COP1: variants seen among roughly 807,000 people sequenced by gnomAD.
COP1 encodes E3 ubiquitin-protein ligase COP1.
COP1 carries 24 observed loss-of-function variants against 101.3 expected under a neutral mutation model. The ratio of observed to expected loss-of-function variants is 0.24; its 90% CI spans 0.17 to 0.33. The LOEUF (loss-of-function observed/expected upper bound fraction) is 0.33, where lower values mean the gene tolerates loss of function less well. Among genes scored for constraint, COP1 ranks in the 10% least tolerant of loss-of-function variants. COP1 has a pLI of 1.00. For synonymous variants in COP1, 347 were observed against 341.9 expected (o/e 1.01, Z -0.17); for missense variants, 663 against 906.2 (o/e 0.73, Z 3.45).
intron 1 of COP1, among the ~76,000 whole-genome samples, chr1:176,188,750 T>TG (rs1414869432): frequency 6.6e-6 from 1 of 151,990 alleles, no homozygotes; most frequent in East Asian, 1.9e-4. Context: ...ACTGTGTTCT[T>TG]ACTCCTCCAC....
chr1:176,028,218 A>G (rs1418502477), intron 14 of COP1, among the ~76,000 whole-genome samples: 1 of 152,160 alleles, frequency 6.6e-6, no homozygotes, highest in Non-Finnish European at 1.5e-5. Context: ...GAATGACTGA[A>G]TAACAGAATA....
At chr1:176,037,245 A>G (rs10429845) in intron 14 of COP1, among the ~76,000 whole-genome samples, 123,563 of 151,760 alleles carry the variant, frequency 0.81, 51,007 homozygotes, top group East Asian at 0.99. Flanking sequence ...TACTAAAAAT[A>G]CAAAAACAAA....
At chr1:176,023,841 C>T (rs1478030293) in intron 15 of COP1, among the ~76,000 whole-genome samples, 1 of 152,034 alleles carries the variant, frequency 6.6e-6, no homozygotes, top group Admixed American at 6.5e-5. Context: ...TGAATTCTAT[C>T]AAATATTTAA....
At chr1:176,195,713 A>C (rs775353658) in intron 1 of COP1, among the ~76,000 whole-genome samples, 1 of 152,262 alleles carries the variant, frequency 6.6e-6, no homozygotes, top group Non-Finnish European at 1.5e-5. Context: ...CATAAAAAAG[A>C]ATGAAATCAT....
intron 11 of COP1, among the ~76,000 whole-genome samples, chr1:176,047,671 A>C (rs946400272): frequency 2.0e-5 from 3 of 152,340 alleles, no homozygotes; most frequent in Admixed American, 6.5e-5. Context: ...ACCTACATAC[A>C]AAAATACAAA....
intron 14 of COP1, among the ~76,000 whole-genome samples, chr1:176,028,621 T>C (rs1668097792): frequency 7.1e-6 from 1 of 140,502 alleles, no homozygotes; most frequent in South Asian, 2.3e-4. Flanking sequence ...TACTCAGATG[T>C]AACACAGACC....
chr1:175,952,435 A>C (rs1650066475), intron 18 of COP1, among the ~76,000 whole-genome samples: 2 of 152,158 alleles, frequency 1.3e-5, no homozygotes, highest in South Asian at 4.2e-4. Flanking sequence ...AAAAAAAAAA[A>C]AAAAGATGAT....
intron 18 of COP1, among the ~76,000 whole-genome samples, chr1:175,984,551 C>T (rs1437396728): frequency 6.6e-6 from 1 of 152,128 alleles, no homozygotes. Flanking sequence ...CACACAGAGT[C>T]CCTACTGGGG....
intron 15 of COP1, among the ~76,000 whole-genome samples, chr1:176,001,791 CAAAG>C (rs1362147548): frequency 1.3e-5 from 2 of 152,034 alleles, no homozygotes; most frequent in Non-Finnish European, 2.9e-5. Context: ...GGTCTCCTGA[CAAAG>C]AACTCACTCG....
intron 14 of COP1, among the ~76,000 whole-genome samples, chr1:176,036,658 C>T (rs945775902): frequency 6.6e-6 from 1 of 152,110 alleles, no homozygotes; most frequent in Non-Finnish European, 1.5e-5. Flanking sequence ...AACCATACTT[C>T]CAATTTTGAA....
rs568549517 is a variant in COP1, at chr1:176,146,873, G to C, written c.831+2133C>G. Among the ~76,000 whole-genome samples, 15 of 133,068 alleles carry C rather than the reference G, an allele frequency of 1.1e-4. 1 individual carries two copies. Among genetic ancestry groups the C allele is most frequent in the African/African-American group, 3.0e-4 (12 of 40,032 alleles). The allele number at this position is 133,068 out of a possible 152,430, so 87.3% of individuals were successfully genotyped here. A position where few individuals can be genotyped will look rare whatever the true frequency, so the allele number is the denominator to read the frequency against. ...CTTAATATTCTAAGGAGAATCAGTA[G>C]GAAAAAATAAAACTGAAAATTAAAT... On this transcript the variant is annotated intron_variant, in intron 6 of 19. Transcript: ENST00000367669.
chr1:176,204,305 C>A (rs575724125), intron 1 of COP1, among the ~76,000 whole-genome samples: 1 of 152,224 alleles, frequency 6.6e-6, no homozygotes, highest in East Asian at 1.9e-4. Flanking sequence ...GAAGCATAAG[C>A]ATATCTTTAA....
chr1:176,074,666 A>G (rs10753118), intron 11 of COP1, among the ~76,000 whole-genome samples: 60,368 of 151,914 alleles, frequency 0.4, 12,207 homozygotes, highest in Middle Eastern at 0.44. Context: ...TTTCACATAA[A>G]TGTCAGTATG....
At chr1:176,095,466 T>C (rs1258215664) in intron 9 of COP1, among the ~76,000 whole-genome samples, 10 of 152,146 alleles carry the variant, frequency 6.6e-5, no homozygotes, top group Non-Finnish European at 1.5e-4. Context: ...GCAGATTGCT[T>C]GAGTCCGGAT....
chr1:175,959,228 G>A (rs1651038514), intron 18 of COP1, among the ~76,000 whole-genome samples: 1 of 151,432 alleles, frequency 6.6e-6, no homozygotes, highest in Non-Finnish European at 1.5e-5. Context: ...TGTTAAATAG[G>A]TACAAAAAAG....
At chr1:176,177,873 A>G (rs1348357990) in intron 2 of COP1, among the ~76,000 whole-genome samples, 3 of 152,208 alleles carry the variant, frequency 2.0e-5, no homozygotes, top group African/African-American at 4.8e-5. Flanking sequence ...TACTTTCAAG[A>G]TAAGTAAAAA....
chr1:176,088,996 C>CA (rs71129551), intron 9 of COP1, among the ~76,000 whole-genome samples: 120,261 of 139,210 alleles, frequency 0.86, 53,517 homozygotes, highest in Non-Finnish European at 0.97. Context: ...ACTCAGTCTC[C>CA]AAAAAAAAAA....
At chr1:176,199,697 T>C (rs1345408607) in intron 1 of COP1, among the ~76,000 whole-genome samples, 1 of 152,198 alleles carries the variant, frequency 6.6e-6, no homozygotes, top group African/African-American at 2.4e-5. Flanking sequence ...AAGGACTCCA[T>C]TAATATGAAA....
intron 15 of COP1, among the ~76,000 whole-genome samples, chr1:175,993,172 C>T (rs1348700253): frequency 6.6e-6 from 1 of 152,212 alleles, no homozygotes; most frequent in Non-Finnish European, 1.5e-5. Context: ...AACAGACCTG[C>T]AGCTGAGGGT....
Sources: allele counts gnomAD v4.1 joint callset (sites outside exome capture counted in the v4.1 genomes callset), GRCh38; gene constraint gnomAD v4.1.1; transcripts MANE v1.5; gene names NCBI Gene and HGNC (gene_info 2026-07-23, HGNC 2026-07-21).